Variants in EYA2 observed in about 807,000 individuals in gnomAD.
EYA2 encodes the protein EYA transcriptional coactivator and phosphatase 2, also known as protein phosphatase EYA2.
Under a neutral mutation model 69.2 loss-of-function variants are expected in EYA2, and 31 were observed. The ratio of observed to expected loss-of-function variants is 0.45; its 90% CI spans 0.34 to 0.60. The LOEUF (loss-of-function observed/expected upper bound fraction) is 0.60, where lower values mean the gene tolerates loss of function less well. Among genes scored for constraint, EYA2 ranks in the 20% least tolerant of loss-of-function variants. EYA2 has a pLI of 0.02. For missense variants in EYA2, 622 were observed against 701.2 expected (o/e 0.89, Z 1.28); for synonymous variants, 257 against 279.4 (o/e 0.92, Z 0.80).
intron 10 of EYA2, among the ~76,000 whole-genome samples, chr20:47,163,427 C>T (rs114392342): frequency 0.018 from 2,812 of 152,122 alleles, 97 homozygotes; most frequent in African/African-American, 0.064. Context: ...TGGCTTGGGA[C>T]GTGGCTCACG....
intron 5 of EYA2, among the ~76,000 whole-genome samples, chr20:47,055,436 A>T (rs886434438): frequency 6.6e-6 from 1 of 152,146 alleles, no homozygotes. Context: ...ATTGTATCAG[A>T]TCATGTCACT....
intron 7 of EYA2, among the ~76,000 whole-genome samples, chr20:47,082,089 C>G (rs2031741508): frequency 6.6e-6 from 1 of 152,060 alleles, no homozygotes. Context: ...ATCCACCTGC[C>G]TCAGCCTCGC....
chr20:46,963,155 T>G (rs1979575161), intron 1 of EYA2, among the ~76,000 whole-genome samples: 1 of 152,212 alleles, frequency 6.6e-6, no homozygotes, highest in Non-Finnish European at 1.5e-5. Context: ...TCTGTTTCTC[T>G]TATCGCATCC....
chr20:46,902,069 A>G (rs2100044396), intron 1 of EYA2, among the ~76,000 whole-genome samples: 1 of 152,212 alleles, frequency 6.6e-6, no homozygotes, highest in African/African-American at 2.4e-5. Context: ...GGCACCCACA[A>G]GAAAGACAAA....
At chr20:46,926,250 A>C (rs1363266860) in intron 1 of EYA2, among the ~76,000 whole-genome samples, 1 of 152,240 alleles carries the variant, frequency 6.6e-6, no homozygotes, top group Non-Finnish European at 1.5e-5. Flanking sequence ...ATACAGTGAT[A>C]TAGAGAGGGG....
At chr20:46,904,088 T>G (rs565986604) in intron 1 of EYA2, among the ~76,000 whole-genome samples, 11 of 152,322 alleles carry the variant, frequency 7.2e-5, no homozygotes, top group Admixed American at 3.9e-4. Flanking sequence ...CAGACAGATC[T>G]GGCCTGAGCC....
At chr20:47,060,282 A>C (rs1176257531) in intron 5 of EYA2, among the ~76,000 whole-genome samples, 1 of 152,232 alleles carries the variant, frequency 6.6e-6, no homozygotes, top group Non-Finnish European at 1.5e-5. Flanking sequence ...ATAATCAAAA[A>C]TCAGATTCAT....
intron 1 of EYA2, among the ~76,000 whole-genome samples, chr20:46,936,265 G>A (rs764550668): frequency 2.6e-5 from 4 of 152,204 alleles, no homozygotes; most frequent in Admixed American, 6.5e-5. Context: ...GAGGCCAGGA[G>A]TTCAAGACCA....
chr20:46,990,928 T>A (rs538433661), intron 2 of EYA2, among the ~76,000 whole-genome samples: 1 of 152,372 alleles, frequency 6.6e-6, no homozygotes, highest in East Asian at 1.9e-4. Context: ...AGGAATTGGC[T>A]TTGAAGCCAA....
Position 46,991,634 on chromosome 20 carries a change from G to C in EYA2, c.109+1515G>C, listed in dbSNP as rs190154837. Among the ~76,000 whole-genome samples the C allele has an allele frequency of 1.7e-4, 26 of 152,238 alleles. No individual in the cohort carries two copies. In the East Asian group the frequency reaches 4.4e-3, roughly 26 times the overall value. ...AGTAAAAGTGAATTTGTAAAAATTG[G>C]GAGCATTCACATAAAAATCTGGAGT... On this transcript the variant is annotated intron_variant, in intron 2 of 15. Transcript: ENST00000327619.
At chr20:46,957,508 G>C (rs1979200087) in intron 1 of EYA2, among the ~76,000 whole-genome samples, 1 of 146,904 alleles carries the variant, frequency 6.8e-6, no homozygotes, top group Non-Finnish European at 1.5e-5. Flanking sequence ...TGTTCTTATA[G>C]GAGAGAGGCA....
intron 5 of EYA2, among the ~76,000 whole-genome samples, chr20:47,016,684 C>G (rs367773036): frequency 3.3e-5 from 5 of 152,302 alleles, no homozygotes; most frequent in African/African-American, 1.2e-4. Context: ...GGCAGAGCAG[C>G]CACATAGACA....
intron 9 of EYA2, among the ~76,000 whole-genome samples, chr20:47,124,680 C>A: frequency 6.6e-6 from 1 of 152,152 alleles, no homozygotes; most frequent in Non-Finnish European, 1.5e-5. Flanking sequence ...GTGACTTTCC[C>A]ACTTGTAGCA....
At chr20:47,052,771 C>T (rs60039052) in intron 5 of EYA2, among the ~76,000 whole-genome samples, 4,326 of 152,172 alleles carry the variant, frequency 0.028, 153 homozygotes, top group African/African-American at 0.089. Flanking sequence ...TCACCATACA[C>T]GTGTCACCAT....
intron 2 of EYA2, among the ~76,000 whole-genome samples, chr20:46,993,503 G>C (rs1981820057): frequency 2.6e-5 from 4 of 152,220 alleles, no homozygotes. Context: ...CATCAGAGAG[G>C]TCTTTCCTAA....
Position 46,971,033 on chromosome 20 carries a change from G to A in EYA2, c.-10-18968G>A, listed in dbSNP as rs367741569. 9.2e-5 allele frequency among the ~76,000 whole-genome samples: 14 copies of A among 152,108 alleles called. No individual in the cohort carries two copies. The South Asian group carries it at 1.5e-3, about 16-fold the overall frequency. ...ATGAGTTTAGGAAAGCTCATTAGAT[G>A]AGTCTGAGTATTTTTGCAGTGTTTT... On this transcript the variant is annotated intron_variant, in intron 1 of 15. Coordinates refer to ENST00000327619, the MANE Select transcript of EYA2 (RefSeq NM_005244.5).
chr20:46,952,308 AG>A (rs1978851405), intron 1 of EYA2, among the ~76,000 whole-genome samples: 1 of 152,010 alleles, frequency 6.6e-6, no homozygotes, highest in African/African-American at 2.4e-5. Flanking sequence ...TGAGAGATGG[AG>A]GGTGGCGGGA....
intron 9 of EYA2, among the ~76,000 whole-genome samples, chr20:47,110,951 G>A (rs1416641138): frequency 6.6e-6 from 1 of 152,310 alleles, no homozygotes; most frequent in East Asian, 1.9e-4. Flanking sequence ...TCACAATTTT[G>A]TTTTCAGACA....
At chr20:47,021,400 G>A (rs1280828144) in intron 5 of EYA2, among the ~76,000 whole-genome samples, 2 of 152,120 alleles carry the variant, frequency 1.3e-5, no homozygotes, top group Non-Finnish European at 2.9e-5. Context: ...GCTGAGGCGG[G>A]CGGATCATCT....
Sources: allele counts gnomAD v4.1 joint callset (sites outside exome capture counted in the v4.1 genomes callset), GRCh38; gene constraint gnomAD v4.1.1; transcripts MANE v1.5; gene names NCBI Gene and HGNC (gene_info 2026-07-23, HGNC 2026-07-21).